Variants in WASF3 observed in about 807,000 individuals in gnomAD.
WASF3 encodes the protein actin-binding protein WASF3.
Under a neutral mutation model 46.6 loss-of-function variants are expected in WASF3, and 11 were observed. The ratio of observed to expected loss-of-function variants is 0.24; its 90% CI spans 0.15 to 0.39. The LOEUF is 0.39. Ranked by LOEUF, WASF3 falls within the 10% of genes least tolerant of loss-of-function variation. WASF3 has a pLI of 1.00. For missense variants in WASF3, 576 were observed against 669.8 expected (o/e 0.86, Z 1.55); for synonymous variants, 242 against 259.7 (o/e 0.93, Z 0.65).
intron 1 of WASF3, among the ~76,000 whole-genome samples, chr13:26,584,969 C>G (rs952905587): frequency 6.6e-5 from 10 of 152,052 alleles, no homozygotes; most frequent in Admixed American, 5.9e-4. Flanking sequence ...AAGAATACAG[C>G]CAGCATTCCA....
rs1294188152 is a variant in WASF3 at position 26,679,056 on chromosome 13, G to A, written c.717-1998G>A. ...CCCTCCCGGCCCTCCTCCTCCCATCGTCCCCGGCCCTCCCAGTCCTCTTCC... is the reference window on the plus strand; with the variant it reads ...CCCTCCCGGCCCTCCTCCTCCCATCATCCCCGGCCCTCCCAGTCCTCTTCC... On this transcript the variant is annotated intron_variant, in intron 7 of 9. Transcript: ENST00000335327. This position sits in a 1 kb window ranked among gnomAD's most constrained non-coding sequence, Gnocchi z 4.8. Among the ~76,000 whole-genome samples, 3 of 149,018 alleles carry A rather than the reference G, an allele frequency of 2.0e-5. No homozygotes were observed. The highest frequency in any genetic ancestry group is 7.5e-5 in the African/African-American group (3 of 40,174).
intron 1 of WASF3, among the ~76,000 whole-genome samples, chr13:26,602,576 C>T (rs1268694073): frequency 2.0e-5 from 3 of 152,116 alleles, no homozygotes; most frequent in African/African-American, 7.2e-5. Context: ...TTTGTTTGAA[C>T]ACATAGGATC....
At chr13:26,613,397 C>A (rs774186636) in intron 2 of WASF3, among the ~76,000 whole-genome samples, 2 of 151,872 alleles carry the variant, frequency 1.3e-5, no homozygotes, top group Non-Finnish European at 2.9e-5. Flanking sequence ...TTTTTATTTC[C>A]TGGAATTTAA....
intron 1 of WASF3, among the ~76,000 whole-genome samples, chr13:26,566,775 T>A (rs1879476930): frequency 6.6e-6 from 1 of 152,200 alleles, no homozygotes; most frequent in Admixed American, 6.5e-5. Context: ...TTAGCTTACT[T>A]TAGGCTGGAC....
At chr13:26,546,438 A>G in the WASF3 span, among the ~76,000 whole-genome samples, 1 of 152,240 alleles carries the variant, frequency 6.6e-6, no homozygotes, top group Non-Finnish European at 1.5e-5. Flanking sequence ...GCGGTGGCTC[A>G]CGCCTGCAAA....
chr13:26,568,116 C>T (rs1049624479), intron 1 of WASF3, among the ~76,000 whole-genome samples: 5 of 151,942 alleles, frequency 3.3e-5, no homozygotes, highest in South Asian at 2.1e-4. Flanking sequence ...TGTGTAGGGC[C>T]GTATAGACTG....
chr13:26,545,329 G>A, the WASF3 span, among the ~76,000 whole-genome samples: 7 of 152,022 alleles, frequency 4.6e-5, no homozygotes, highest in Non-Finnish European at 7.4e-5. Flanking sequence ...TTCTTTCATG[G>A]ATTTTCAGAA....
intron 2 of WASF3, chr13:26,626,351 G>A (rs1881463341): frequency 6.6e-6 from 1 of 152,244 alleles, no homozygotes; most frequent in African/African-American, 2.4e-5. Flanking sequence ...ATGAGATATT[G>A]AGGATAAACA....
chr13:26,560,438 A>AAT (rs200568667), intron 1 of WASF3, among the ~76,000 whole-genome samples: 2,518 of 152,244 alleles, frequency 0.017, 45 homozygotes, highest in African/African-American at 0.043. Flanking sequence ...AGGTAACCAT[A>AAT]ATATAGGGTG....
At chr13:26,557,874 T>G (rs1168209242) in intron 1 of WASF3, 55 bp downstream of exon 1, 2 of 295,972 alleles carry the variant, frequency 6.8e-6, no homozygotes, top group East Asian at 1.1e-4. Flanking sequence ...TGTGGCCCTC[T>G]CGGCTCCGGG....
intron 2 of WASF3, chr13:26,626,216 G>A (rs1374675378): frequency 1.3e-5 from 2 of 152,286 alleles, no homozygotes; most frequent in Non-Finnish European, 1.5e-5. Context: ...TCAGTGGATG[G>A]AAAAGTACTA....
At chr13:26,557,487 G>C (rs1224960705), upstream of WASF3, among the ~76,000 whole-genome samples, 1 of 148,924 alleles carries the variant, frequency 6.7e-6, no homozygotes, top group Non-Finnish European at 1.5e-5. Flanking sequence ...AGGACCAAGG[G>C]TGAGAGCCAC....
At chr13:26,660,112 G>A (rs942711057) in intron 3 of WASF3, among the ~76,000 whole-genome samples, 2 of 148,866 alleles carry the variant, frequency 1.3e-5, no homozygotes, top group Non-Finnish European at 3.0e-5. Flanking sequence ...TTCTGTGTCA[G>A]TAGCTTTTAA....
chr13:26,558,215 C>A (rs78856600), intron 1 of WASF3, among the ~76,000 whole-genome samples: 3,710 of 152,054 alleles, frequency 0.024, 153 homozygotes, highest in African/African-American at 0.084. Context: ...ACGCCCCGGG[C>A]CGCTCCGCGT....
intron 1 of WASF3, among the ~76,000 whole-genome samples, chr13:26,585,907 ACCTCATAGGC>A (rs1324336104): frequency 6.6e-6 from 1 of 152,110 alleles, no homozygotes; most frequent in Admixed American, 6.5e-5. Flanking sequence ...TAGAAAACTT[ACCTCATAGGC>A]CTAGGAAAGA....
At chr13:26,644,088 A>T (rs552202242) in intron 3 of WASF3, among the ~76,000 whole-genome samples, 4 of 152,218 alleles carry the variant, frequency 2.6e-5, no homozygotes, top group Non-Finnish European at 5.9e-5. Context: ...AATCAGTGCC[A>T]GGGTGACGTG....
intron 2 of WASF3, chr13:26,619,648 G>A (rs1424089062): frequency 6.7e-6 from 1 of 150,336 alleles, no homozygotes; most frequent in Non-Finnish European, 1.5e-5. Flanking sequence ...CATGCAATCA[G>A]CAACAAGGCA....
At chr13:26,584,064 AAGAT>A (rs981642432) in intron 1 of WASF3, among the ~76,000 whole-genome samples, 1 of 152,158 alleles carries the variant, frequency 6.6e-6, no homozygotes, top group Non-Finnish European at 1.5e-5. Context: ...GGAGGGGAAA[AAGAT>A]ACGCAATTGG....
intron 3 of WASF3, among the ~76,000 whole-genome samples, chr13:26,660,211 T>G (rs975479840): frequency 1.5e-5 from 2 of 130,430 alleles, no homozygotes; most frequent in African/African-American, 3.1e-5. Flanking sequence ...TTTTTTTTTT[T>G]TTTTTTTTTT....
Sources: allele counts gnomAD v4.1 joint callset (sites outside exome capture counted in the v4.1 genomes callset), GRCh38; gene constraint gnomAD v4.1.1; non-coding constraint Gnocchi (gnomAD v3.1); transcripts MANE v1.5; gene names NCBI Gene and HGNC (gene_info 2026-07-23, HGNC 2026-07-21).